Variants in LINC01488 observed in about 807,000 individuals in gnomAD.
LINC01488 encodes the protein long independently transcribed non-coding RNA 1488.
intron 1 of LINC01488, among the ~76,000 whole-genome samples, chr11:69,484,672 G>A (rs1340615830): frequency 2.0e-5 from 3 of 152,240 alleles, no homozygotes; most frequent in African/African-American, 7.2e-5. Flanking sequence ...CAAGTGGGCC[G>A]GCCCTGTGTC....
chr11:69,489,741 CT>C (rs1306112903), intron 1 of LINC01488, among the ~76,000 whole-genome samples: 1 of 152,250 alleles, frequency 6.6e-6, no homozygotes, highest in Non-Finnish European at 1.5e-5. Context: ...ATGCATCAGG[CT>C]TCTGTGACCA....
intron 1 of LINC01488, among the ~76,000 whole-genome samples, chr11:69,486,874 G>A (rs1857130030): frequency 6.6e-6 from 1 of 152,218 alleles, no homozygotes; most frequent in Non-Finnish European, 1.5e-5. Context: ...TCCCCGAACT[G>A]GATCCAGGCA....
chr11:69,483,616 G>A (rs74733323), intron 1 of LINC01488, among the ~76,000 whole-genome samples: 2,204 of 152,288 alleles, frequency 0.014, 48 homozygotes, highest in African/African-American at 0.05. Context: ...GCTCAGAGGA[G>A]GGGAAGAGGC....
At chr11:69,483,034 C>T (rs910856775) in intron 1 of LINC01488, among the ~76,000 whole-genome samples, 2 of 152,198 alleles carry the variant, frequency 1.3e-5, no homozygotes, top group Non-Finnish European at 2.9e-5. Flanking sequence ...AAGACTTCAA[C>T]ATACGAATTG....
At position 69,484,693 on chromosome 11, in the gene LINC01488, A is replaced by G. The variant is rs188384297; in HGVS notation, n.122+2910A>G. Reference sequence around the variant, plus strand: ...GGCCGGCCCTGTGTCGCGCTGGCCCACGCAGCTGCTGAGCCCTGCTGTTGG... The same window carrying G: ...GGCCGGCCCTGTGTCGCGCTGGCCCGCGCAGCTGCTGAGCCCTGCTGTTGG... On this transcript the variant is annotated intron_variant and non_coding_transcript_variant, in intron 1 of 3. Coordinates refer to ENST00000644563, the Ensembl canonical transcript of LINC01488. Among the ~76,000 whole-genome samples, 1,069 of 152,312 alleles carry G rather than the reference A, an allele frequency of 7.0e-3. 13 individuals carry two copies. Among genetic ancestry groups the G allele is most frequent in the African/African-American group, 0.024 (999 of 41,568 alleles).
chr11:69,487,485 G>C (rs1292800444), intron 1 of LINC01488, among the ~76,000 whole-genome samples: 1 of 152,220 alleles, frequency 6.6e-6, no homozygotes, highest in African/African-American at 2.4e-5. Context: ...CCTGAGTAAG[G>C]ACTGACGGGG....
chr11:69,483,945 C>G (rs986929211), intron 1 of LINC01488, among the ~76,000 whole-genome samples: 2 of 152,190 alleles, frequency 1.3e-5, no homozygotes, highest in African/African-American at 4.8e-5. Flanking sequence ...CTAAGGCAGC[C>G]GAGCCAAGGG....
intron 1 of LINC01488, among the ~76,000 whole-genome samples, chr11:69,484,377 C>T (rs1857081589): frequency 1.3e-5 from 2 of 152,152 alleles, no homozygotes; most frequent in African/African-American, 2.4e-5. Flanking sequence ...TGGGCCTGCA[C>T]CCCTGCTGTG....
intron 1 of LINC01488, among the ~76,000 whole-genome samples, chr11:69,486,868 C>T (rs536073204): frequency 1.3e-3 from 194 of 152,330 alleles, no homozygotes; most frequent in Non-Finnish European, 2.5e-3. Context: ...CCACTGTCCC[C>T]GAACTGGATC....
At chr11:69,487,627 G>A (rs1261828089) in intron 1 of LINC01488, among the ~76,000 whole-genome samples, 1 of 152,186 alleles carries the variant, frequency 6.6e-6, no homozygotes, top group Non-Finnish European at 1.5e-5. Context: ...CTGATTTCTT[G>A]TGGGTCGTGG....
At chr11:69,491,781 C>T (rs1466127413) in intron 3 of LINC01488, 2 of 152,700 alleles carry the variant, frequency 1.3e-5, no homozygotes, top group African/African-American at 4.8e-5. Context: ...CATGGCGCTG[C>T]TTCAGCGTGG....
At chr11:69,488,234 T>C (rs1170775355) in intron 1 of LINC01488, 1 of 152,302 alleles carries the variant, frequency 6.6e-6, no homozygotes, top group Non-Finnish European at 1.5e-5. Flanking sequence ...ATGGGGGGCT[T>C]CCCTGAGCAC....
At chr11:69,491,967 C>T (rs1857230046) in intron 3 of LINC01488, 1 of 152,828 alleles carries the variant, frequency 6.5e-6, no homozygotes, top group Admixed American at 6.5e-5. Flanking sequence ...CAGGAGGGCA[C>T]AGAGGCCCGT....
chr11:69,482,489 T>A (rs1266699613), intron 1 of LINC01488, among the ~76,000 whole-genome samples: 1 of 151,468 alleles, frequency 6.6e-6, no homozygotes, highest in Non-Finnish European at 1.5e-5. Context: ...GATAGATGGA[T>A]GAGTGCATGA....
chr11:69,482,967 T>A (rs1465804778), intron 1 of LINC01488, among the ~76,000 whole-genome samples: 2 of 152,194 alleles, frequency 1.3e-5, no homozygotes, highest in Admixed American at 1.3e-4. Flanking sequence ...TTTAATTTGA[T>A]TACATCTGTA....
chr11:69,490,735 T>TG (rs1333476592), intron 2 of LINC01488: 1 of 152,272 alleles, frequency 6.6e-6, no homozygotes, highest in African/African-American at 2.4e-5. Flanking sequence ...TTCGGCCTGG[T>TG]GGGAGTCGCT....
intron 1 of LINC01488, among the ~76,000 whole-genome samples, chr11:69,484,621 G>A (rs1857085459): frequency 6.6e-6 from 1 of 152,264 alleles, no homozygotes; most frequent in Non-Finnish European, 1.5e-5. Flanking sequence ...AAAAGGCCCA[G>A]CAGTTTCTGG....
At chr11:69,486,553 C>T (rs1857123121) in intron 1 of LINC01488, among the ~76,000 whole-genome samples, 2 of 152,232 alleles carry the variant, frequency 1.3e-5, no homozygotes, top group African/African-American at 4.8e-5. Flanking sequence ...CCAGAGAAGA[C>T]ACGCAGGGCC....
intron 1 of LINC01488, among the ~76,000 whole-genome samples, chr11:69,483,536 A>G (rs751148071): frequency 2.0e-5 from 3 of 152,144 alleles, no homozygotes; most frequent in Non-Finnish European, 4.4e-5. Context: ...TGAAGAAACC[A>G]TCTCCATGGG....
Sources: allele counts gnomAD v4.1 joint callset (sites outside exome capture counted in the v4.1 genomes callset), GRCh38; gene constraint gnomAD v4.1.1; transcripts MANE v1.5; gene names NCBI Gene and HGNC (gene_info 2026-07-23, HGNC 2026-07-21).